The following ZSWIM5 variants were observed in gnomAD, a reference collection of about 807,000 sequenced individuals.
ZSWIM5 encodes the protein zinc finger SWIM-type containing 5, also known as zinc finger SWIM domain-containing protein 5.
ZSWIM5 carries 55 observed loss-of-function variants against 119.6 expected under a neutral mutation model. The ratio of observed to expected loss-of-function variants is 0.46; its 90% CI spans 0.37 to 0.58. The LOEUF (loss-of-function observed/expected upper bound fraction) is 0.58. Ranked by LOEUF, ZSWIM5 falls within the 20% of genes least tolerant of loss-of-function variation. ZSWIM5 has a pLI of 0.00. For synonymous variants in ZSWIM5, 537 were observed against 606.9 expected, an observed-to-expected ratio of 0.88 and a Z score of 1.69; for missense variants, 1,193 against 1,512.8, an observed-to-expected ratio of 0.79 and a Z score of 3.51.
At position 45,058,677 on chromosome 1, in the gene ZSWIM5, C is replaced by T. The variant is rs747108613; in HGVS notation, c.1184G>A (p.Arg395Gln). 10 of 1,614,080 alleles carry T rather than the reference C, an allele frequency of 6.2e-6. No individual in the cohort carries two copies. Among genetic ancestry groups the T allele is most frequent in the Admixed American group, 1.7e-5 (1 of 60,010 alleles). The change falls in exon 4 of 14, where the codon CGA (arginine) becomes CAA (glutamine). Residue 395 changes from arginine (R) to glutamine (Q), a missense_variant. By Grantham distance (43) the Arg-to-Gln change is conservative. Transcript: ENST00000359600. Reference sequence around the variant, plus strand: ...TCCTTGCTGCCTCCAGAGTGTGAGTCGTGGGTCAGCCACAAACTGCTCAGT... The same window carrying T: ...TCCTTGCTGCCTCCAGAGTGTGAGTTGTGGGTCAGCCACAAACTGCTCAGT... ...LITEQFVADP[R>Q]LTLWRQQGTN...
At chr1:45,130,083 A>G (rs962320945) in intron 1 of ZSWIM5, among the ~76,000 whole-genome samples, 2 of 152,152 alleles carry the variant, frequency 1.3e-5, no homozygotes, top group Admixed American at 1.3e-4. Context: ...TTTTTAGTAG[A>G]GACAGGGTTT....
chr1:45,115,520 C>T lies in ZSWIM5; in HGVS notation c.596-27283G>A, dbSNP rs181010777. Among the ~76,000 whole-genome samples the T allele has an allele frequency of 3.4e-3, 501 of 147,716 alleles. 3 individuals are homozygous for T. Among genetic ancestry groups the T allele is most frequent in the East Asian group, 0.014 (68 of 4,864 alleles). On this transcript the variant is annotated intron_variant, in intron 1 of 13. Coordinates refer to ENST00000359600, the MANE Select transcript of ZSWIM5 (RefSeq NM_020883.2). ...AGACGGGGTCGCGGCCGGGCAGAGG[C>T]GCTCCTCACATCCCAGACGGGGCGC...
chr1:45,091,779 A>T lies in ZSWIM5; in HGVS notation c.596-3542T>A, dbSNP rs369468471. The stretch of plus-strand genomic sequence containing the variant: ...TTCAGGCACACTTGGCTTGCAGCAC[A>T]GTCTCTGAGCCCAACTTCTCCTTCC... On this transcript the variant is annotated intron_variant, in intron 1 of 13. Transcript: ENST00000359600. Among the ~76,000 whole-genome samples, 7 of 152,340 alleles carry T rather than the reference A, an allele frequency of 4.6e-5. No homozygotes were observed. The South Asian group carries it at 1.4e-3, about 32-fold the overall frequency.
chr1:45,029,043 C>T (rs1644936925), intron 11 of ZSWIM5, among the ~76,000 whole-genome samples: 1 of 152,198 alleles, frequency 6.6e-6, no homozygotes, highest in Admixed American at 6.5e-5. Context: ...TGACTTGATG[C>T]CCCATCACTC....
chr1:45,042,486 CAA>C (rs1491305722), intron 6 of ZSWIM5, among the ~76,000 whole-genome samples: 1 of 152,012 alleles, frequency 6.6e-6, no homozygotes, highest in African/African-American at 2.4e-5. Flanking sequence ...CTATTGCTTT[CAA>C]GAGAGAGAGG....
At chr1:45,160,989 A>ATTTTTTTGTTTTTTTT (rs1645860568) in intron 1 of ZSWIM5, among the ~76,000 whole-genome samples, 1 of 122,670 alleles carries the variant, frequency 8.2e-6, no homozygotes, top group South Asian at 2.4e-4. Context: ...GCCCGGCTAA[A>ATTTTTTTGTTTTTTTT]TTTTTTTTTT....
intron 1 of ZSWIM5, among the ~76,000 whole-genome samples, chr1:45,139,694 A>ATTTTT (rs774168631): frequency 1.4e-3 from 97 of 67,256 alleles, no homozygotes; most frequent in Non-Finnish European, 1.6e-3. Context: ...GCTTTCTTCG[A>ATTTTT]TTTTTTTTTT....
chr1:45,098,534 C>T lies in ZSWIM5; in HGVS notation c.596-10297G>A, dbSNP rs112244659. 1.8e-3 allele frequency among the ~76,000 whole-genome samples: 272 copies of T among 152,168 alleles called. 4 individuals are homozygous for T. The highest frequency in any genetic ancestry group is 6.8e-3 in the Middle Eastern group (2 of 294). ...TCCTATAAAACTGTGAACTCAGCTC[C>T]GCACCAAGCAGACCTAATAGACATC... is the stretch of plus-strand genomic sequence containing the variant. On this transcript the variant is annotated intron_variant, in intron 1 of 13. Coordinates refer to ENST00000359600, the MANE Select transcript of ZSWIM5 (RefSeq NM_020883.2).
intron 5 of ZSWIM5, among the ~76,000 whole-genome samples, chr1:45,046,492 GGAA>G (rs1396641596): frequency 6.6e-6 from 1 of 152,194 alleles, no homozygotes; most frequent in Admixed American, 6.5e-5. Context: ...TATGGAGACA[GGAA>G]GACTGCAAGA....
chr1:45,157,311 A>G (rs1243511208), intron 1 of ZSWIM5, among the ~76,000 whole-genome samples: 1 of 152,100 alleles, frequency 6.6e-6, no homozygotes, highest in Non-Finnish European at 1.5e-5. Flanking sequence ...AGTAGCTGGG[A>G]CTACAGGCGC....
At chr1:45,044,547 C>G in intron 5 of ZSWIM5, among the ~76,000 whole-genome samples, 1 of 148,098 alleles carries the variant, frequency 6.8e-6, no homozygotes, top group African/African-American at 2.5e-5. Context: ...CATGGTGAAA[C>G]TCCGTCTCTA....
At chr1:45,174,150 C>A (rs1268546390) in intron 1 of ZSWIM5, among the ~76,000 whole-genome samples, 6 of 152,026 alleles carry the variant, frequency 3.9e-5, no homozygotes, top group Non-Finnish European at 1.5e-5. Context: ...TGTCATACAC[C>A]TGTATTCCCA....
At position 45,109,692 on chromosome 1, in the gene ZSWIM5, C is replaced by T. The variant is rs564252108; in HGVS notation, c.596-21455G>A. Among the ~76,000 whole-genome samples, 3 of 151,432 alleles carry T rather than the reference C, an allele frequency of 2.0e-5. No individual in the cohort carries two copies. In the East Asian group the frequency reaches 5.8e-4, roughly 29 times the overall value. ...CCTGGGAGGCAGAGGTTGCGGTGAG[C>T]CAAGATCGAGCCACTGCAATCCATC... On this transcript the variant is annotated intron_variant, in intron 1 of 13. Coordinates refer to ENST00000359600, the MANE Select transcript of ZSWIM5 (RefSeq NM_020883.2).
chr1:45,117,696 C>T (rs1264474111), intron 1 of ZSWIM5, among the ~76,000 whole-genome samples: 1 of 151,946 alleles, frequency 6.6e-6, no homozygotes, highest in African/African-American at 2.4e-5. Context: ...GGAGGTCATC[C>T]TCAATCATCT....
intron 1 of ZSWIM5, among the ~76,000 whole-genome samples, chr1:45,141,573 C>G (rs1363812557): frequency 6.6e-6 from 1 of 152,128 alleles, no homozygotes; most frequent in Non-Finnish European, 1.5e-5. Flanking sequence ...GATAGACTGC[C>G]TACTAAAACA....
chr1:45,040,923 G>T (rs1456919759), intron 6 of ZSWIM5, among the ~76,000 whole-genome samples: 1 of 152,200 alleles, frequency 6.6e-6, no homozygotes, highest in Admixed American at 6.5e-5. Context: ...ATGCCAGGGA[G>T]TATGCTGGGC....
At chr1:45,133,608 A>C (rs998507440) in intron 1 of ZSWIM5, among the ~76,000 whole-genome samples, 5 of 152,090 alleles carry the variant, frequency 3.3e-5, no homozygotes, top group South Asian at 2.1e-4. Flanking sequence ...GAAGCTCTTT[A>C]GTTTAATTAG....
Position 45,188,242 on chromosome 1 carries a change from C to T in ZSWIM5, c.595+17514G>A, listed in dbSNP as rs183598443. ...ATAAACAAAATGTGGTATATCCATACAATGTAATATTATTCACCATTAAAA... is the reference window on the plus strand; with the variant it reads ...ATAAACAAAATGTGGTATATCCATATAATGTAATATTATTCACCATTAAAA... On this transcript the variant is annotated intron_variant, in intron 1 of 13. Transcript: ENST00000359600. Among the ~76,000 whole-genome samples the T allele has an allele frequency of 7.2e-5, 11 of 152,214 alleles. No individual in the cohort carries two copies. In the East Asian group the frequency reaches 1.9e-3, roughly 27 times the overall value.
chr1:45,088,089 C>T lies in ZSWIM5; in HGVS notation c.744G>A (p.Val248=). 1 of 1,614,148 alleles carries T rather than the reference C, an allele frequency of 6.2e-7. No individual in the cohort carries two copies. Among genetic ancestry groups the T allele is most frequent in the Non-Finnish European group, 8.5e-7 (1 of 1,180,028 alleles). Residue 248 remains valine, a synonymous_variant, in exon 2 of 14, where the codon GTG becomes GTA. Transcript: ENST00000359600. This position sits in a 1 kb window ranked among gnomAD's most constrained non-coding sequence, Gnocchi z 4.2. Reference sequence around the variant, plus strand: ...GGATCCTGTAGAGTGAGAGTGCTACCACATGGGCACAGTAGAATATGTCCT... The same window carrying T: ...GGATCCTGTAGAGTGAGAGTGCTACTACATGGGCACAGTAGAATATGTCCT... ...GNKDIFYCAH[V]VALSLYRIRK...
Sources: gnomAD v4.1 joint callset for allele counts (sites outside exome capture counted in the v4.1 genomes callset) on GRCh38, gnomAD v4.1.1 for gene constraint, Gnocchi (gnomAD v3.1) non-coding constraint, MANE v1.5 for transcripts, NCBI Gene and HGNC (gene_info 2026-07-23, HGNC 2026-07-21) for gene names.